Variants in LY96 observed in about 807,000 individuals in gnomAD.
LY96 encodes lymphocyte antigen 96, also known as myeloid differentiation protein-2.
Under a neutral mutation model 18.9 loss-of-function variants are expected in LY96, and 18 were observed. The ratio of observed to expected loss-of-function variants is 0.95; its 90% CI spans 0.66 to 1.41. LY96 has a LOEUF of 1.41. Ranked by LOEUF, LY96 falls within the 40% of genes most tolerant of loss-of-function variation. The probability of loss-of-function intolerance (pLI) is 0.00; values close to 1 mark genes in which losing one functional copy is unlikely to be tolerated. For missense variants in LY96, 175 were observed against 182.4 expected (o/e 0.96, Z 0.23); for synonymous variants, 66 against 62.6 (o/e 1.06, Z -0.26).
intron 1 of LY96, among the ~76,000 whole-genome samples, chr8:74,004,468 T>A (rs1451705067): frequency 6.6e-6 from 1 of 152,212 alleles, no homozygotes; most frequent in East Asian, 1.9e-4. Context: ...TAATCTCTGA[T>A]TAGACAGTGT....
At chr8:74,014,709 T>A (rs1333790100) in intron 3 of LY96, among the ~76,000 whole-genome samples, 1 of 151,952 alleles carries the variant, frequency 6.6e-6, no homozygotes, top group East Asian at 1.9e-4. Flanking sequence ...TTAAAATAAT[T>A]TTCCTTTTGG....
chr8:74,005,460 G>C (rs1034329947), intron 2 of LY96, among the ~76,000 whole-genome samples: 1 of 152,098 alleles, frequency 6.6e-6, no homozygotes, highest in Non-Finnish European at 1.5e-5. Context: ...GGTAGAAATG[G>C]GAATAACTTC....
chr8:74,073,339 G>T, the LY96 span, among the ~76,000 whole-genome samples: 3 of 152,296 alleles, frequency 2.0e-5, no homozygotes, highest in South Asian at 6.2e-4. Context: ...GGGAAAGAAA[G>T]AATTTACAGC....
intron 1 of LY96, among the ~76,000 whole-genome samples, chr8:74,001,338 C>G (rs1477918452): frequency 2.6e-5 from 4 of 151,812 alleles, no homozygotes; most frequent in Admixed American, 2.6e-4. Context: ...ATTCTTGTGC[C>G]TCAGCCTCCC....
the LY96 span, among the ~76,000 whole-genome samples, chr8:74,071,633 T>C: frequency 6.6e-6 from 1 of 152,218 alleles, no homozygotes; most frequent in Non-Finnish European, 1.5e-5. Flanking sequence ...CCTATCCAAG[T>C]CCACTGCCTC....
the LY96 span, among the ~76,000 whole-genome samples, chr8:74,066,683 T>C: frequency 6.6e-6 from 1 of 151,960 alleles, no homozygotes; most frequent in Admixed American, 6.6e-5. Context: ...AGGGAAGAAA[T>C]AGGAGCAGAT....
the LY96 span, among the ~76,000 whole-genome samples, chr8:74,058,432 C>A: frequency 6.6e-6 from 1 of 151,938 alleles, no homozygotes; most frequent in Non-Finnish European, 1.5e-5. Flanking sequence ...TTTAAGTTTA[C>A]TAGAGAATGT....
chr8:74,053,805 G>T, the LY96 span, among the ~76,000 whole-genome samples: 200 of 152,292 alleles, frequency 1.3e-3, 1 homozygote, highest in Non-Finnish European at 2.1e-3. Context: ...GAGGAGTATA[G>T]AATTAAATAA....
At chr8:74,033,127 C>T (rs772591899), downstream of LY96, among the ~76,000 whole-genome samples, 1 of 152,014 alleles carries the variant, frequency 6.6e-6, no homozygotes, top group Non-Finnish European at 1.5e-5. Flanking sequence ...GCAGCCTTAT[C>T]AAGTTTGCTG....
chr8:74,080,143 G>A, the LY96 span, among the ~76,000 whole-genome samples: 133 of 152,292 alleles, frequency 8.7e-4, no homozygotes, highest in African/African-American at 3.0e-3. Context: ...ACCCCTTTAT[G>A]TGAAAACAAG....
the LY96 span, among the ~76,000 whole-genome samples, chr8:74,096,020 T>A: frequency 1.3e-5 from 2 of 152,242 alleles, no homozygotes; most frequent in Non-Finnish European, 2.9e-5. Context: ...TGTGTTTAAG[T>A]GCCCGAGCCA....
chr8:74,096,370 G>A, the LY96 span, among the ~76,000 whole-genome samples: 1 of 152,070 alleles, frequency 6.6e-6, no homozygotes, highest in African/African-American at 2.4e-5. Flanking sequence ...AGACACCATG[G>A]CCTCTTTGCT....
chr8:74,045,521 T>C, the LY96 span, among the ~76,000 whole-genome samples: 14 of 152,216 alleles, frequency 9.2e-5, no homozygotes, highest in Non-Finnish European at 1.3e-4. Flanking sequence ...TGTAAGGTAT[T>C]ATTACTGTGT....
the LY96 span, among the ~76,000 whole-genome samples, chr8:74,094,596 G>T: frequency 9.2e-5 from 14 of 152,174 alleles, no homozygotes; most frequent in Non-Finnish European, 2.1e-4. Context: ...CTGAAATGAT[G>T]AGGTTTGATT....
At chr8:74,042,920 G>A in the LY96 span, among the ~76,000 whole-genome samples, 1 of 152,056 alleles carries the variant, frequency 6.6e-6, no homozygotes, top group Non-Finnish European at 1.5e-5. Flanking sequence ...GGGACTACAG[G>A]CATGTGCCAC....
At chr8:73,996,574 T>C (rs931828255) in intron 1 of LY96, among the ~76,000 whole-genome samples, 5 of 151,952 alleles carry the variant, frequency 3.3e-5, no homozygotes, top group African/African-American at 1.2e-4. Context: ...TGCATCACCA[T>C]GCCTGGCTAT....
the LY96 span, among the ~76,000 whole-genome samples, chr8:74,035,131 A>G: frequency 3.3e-5 from 5 of 152,232 alleles, no homozygotes; most frequent in Non-Finnish European, 5.9e-5. Context: ...ACTAAACCCA[A>G]GATTACTGTA....
At chr8:74,015,692 G>A (rs1816627013) in intron 3 of LY96, among the ~76,000 whole-genome samples, 2 of 152,134 alleles carry the variant, frequency 1.3e-5, no homozygotes, top group African/African-American at 4.8e-5. Flanking sequence ...TACCATCTGA[G>A]GCTCAGATCC....
intron 3 of LY96, among the ~76,000 whole-genome samples, chr8:74,016,040 A>T (rs1480050580): frequency 1.3e-5 from 2 of 152,238 alleles, no homozygotes; most frequent in Non-Finnish European, 2.9e-5. Flanking sequence ...ACAGAGGGCA[A>T]GCCAAAGCAG....
Sources: allele counts gnomAD v4.1 joint callset (sites outside exome capture counted in the v4.1 genomes callset), GRCh38; gene constraint gnomAD v4.1.1; transcripts MANE v1.5; gene names NCBI Gene and HGNC (gene_info 2026-07-23, HGNC 2026-07-21).